The following PLPP1 variants were observed in gnomAD, a reference collection of about 807,000 sequenced individuals.
PLPP1 encodes the protein lipid phosphate phosphohydrolase 1a.
Under a neutral mutation model 31.2 loss-of-function variants are expected in PLPP1, and 24 were observed. The ratio of observed to expected loss-of-function variants is 0.77; its 90% CI spans 0.56 to 1.08. PLPP1 has a LOEUF of 1.08. Among genes scored for constraint, PLPP1 ranks in the 50% least tolerant of loss-of-function variants. The pLI is 0.00. For synonymous variants in PLPP1, 146 were observed against 126.3 expected (o/e 1.16, Z -1.05); for missense variants, 319 against 342.7 (o/e 0.93, Z 0.55).
At chr5:55,457,886 C>T (rs1187950250) in intron 3 of PLPP1, among the ~76,000 whole-genome samples, 6 of 44,644 alleles carry the variant, frequency 1.3e-4, no homozygotes, top group African/African-American at 3.3e-4. Flanking sequence ...GAGACTCTGT[C>T]TCAAAAAAAA....
chr5:55,476,065 A>C (rs1752543279), intron 1 of PLPP1, among the ~76,000 whole-genome samples: 1 of 149,846 alleles, frequency 6.7e-6, no homozygotes, highest in Admixed American at 6.7e-5. Flanking sequence ...TGCAGCCTTG[A>C]TCTCCTGGGC....
At chr5:55,459,695 G>C (rs1368279852) in intron 3 of PLPP1, among the ~76,000 whole-genome samples, 3 of 152,158 alleles carry the variant, frequency 2.0e-5, no homozygotes. Flanking sequence ...AAGACGCAAG[G>C]GAAATTAGAA....
intron 1 of PLPP1, among the ~76,000 whole-genome samples, chr5:55,497,962 CTGAGA>C (rs1753038628): frequency 1.3e-5 from 2 of 152,032 alleles, no homozygotes; most frequent in Admixed American, 1.3e-4. Flanking sequence ...TCTCAGGCTC[CTGAGA>C]CTGAGGGCAG....
intron 4 of PLPP1, among the ~76,000 whole-genome samples, chr5:55,438,620 G>A (rs1051993321): frequency 1.3e-5 from 2 of 152,168 alleles, no homozygotes; most frequent in African/African-American, 2.4e-5. Context: ...GTTGTACATA[G>A]GCCAGGCGCG....
intron 1 of PLPP1, among the ~76,000 whole-genome samples, chr5:55,515,021 TAG>T (rs1753525985): frequency 6.6e-6 from 1 of 152,236 alleles, no homozygotes; most frequent in South Asian, 2.1e-4. Context: ...ATCCGTGACG[TAG>T]ACAGTATTCG....
intron 3 of PLPP1, among the ~76,000 whole-genome samples, chr5:55,448,141 T>G (rs1361831097): frequency 6.6e-6 from 1 of 152,190 alleles, no homozygotes; most frequent in Non-Finnish European, 1.5e-5. Flanking sequence ...AGTATATTAG[T>G]CATAGTTTAT....
intron 1 of PLPP1, among the ~76,000 whole-genome samples, chr5:55,500,532 T>C (rs1258658551): frequency 1.3e-5 from 2 of 152,126 alleles, no homozygotes; most frequent in Admixed American, 6.5e-5. Flanking sequence ...CTAATACAAA[T>C]CAAATCAGGG....
chr5:55,506,636 T>C (rs1753285539), intron 1 of PLPP1, among the ~76,000 whole-genome samples: 1 of 152,170 alleles, frequency 6.6e-6, no homozygotes, highest in Admixed American at 6.6e-5. Flanking sequence ...TAGGAGCTGA[T>C]TTTTTACCAA....
intron 1 of PLPP1, among the ~76,000 whole-genome samples, chr5:55,504,704 A>G (rs1753233462): frequency 6.6e-6 from 1 of 152,070 alleles, no homozygotes; most frequent in African/African-American, 2.4e-5. Flanking sequence ...AATAATTAGT[A>G]TATAGAAGCC....
intron 3 of PLPP1, among the ~76,000 whole-genome samples, chr5:55,465,972 T>C (rs1316229599): frequency 6.6e-6 from 1 of 152,198 alleles, no homozygotes; most frequent in African/African-American, 2.4e-5. Flanking sequence ...CCATACACCT[T>C]AAGAGTCCAG....
At chr5:55,524,279 A>G (rs1336439600) in intron 1 of PLPP1, among the ~76,000 whole-genome samples, 1 of 152,190 alleles carries the variant, frequency 6.6e-6, no homozygotes, top group Non-Finnish European at 1.5e-5. Context: ...AAAAATTGCA[A>G]AAAAATCTTA....
At chr5:55,496,127 G>C (rs897085269) in intron 1 of PLPP1, among the ~76,000 whole-genome samples, 1 of 152,026 alleles carries the variant, frequency 6.6e-6, no homozygotes, top group Non-Finnish European at 1.5e-5. Context: ...CAAAGTGCTG[G>C]GATTACAGAC....
Position 55,505,054 on chromosome 5 carries a change from G to A in PLPP1, c.58+29518C>T, listed in dbSNP as rs546618752. ...TCAAACTCCTGGTCGCAAGTGATGC[G>A]TCCGCCTTGGCCTCCCAAAGTGCTA... is the stretch of plus-strand genomic sequence containing the variant. On this transcript the variant is annotated intron_variant, in intron 1 of 5. Transcript: ENST00000307259. 4.6e-5 allele frequency among the ~76,000 whole-genome samples: 7 copies of A among 152,056 alleles called. No homozygotes were observed. The South Asian group carries it at 1.0e-3, about 23-fold the overall frequency.
intron 1 of PLPP1, among the ~76,000 whole-genome samples, chr5:55,502,977 G>C (rs1753178638): frequency 2.0e-5 from 3 of 152,174 alleles, no homozygotes; most frequent in South Asian, 2.1e-4. Context: ...AGTCAAGTAT[G>C]ACTGGGTACC....
intron 3 of PLPP1, among the ~76,000 whole-genome samples, chr5:55,458,201 T>G (rs1052669199): frequency 6.6e-6 from 1 of 152,180 alleles, no homozygotes; most frequent in Non-Finnish European, 1.5e-5. Flanking sequence ...GACAATATTA[T>G]TGTCCATGCC....
rs551884666 is a variant in PLPP1 at position 55,468,162 on chromosome 5, CAG to C, written c.211-15_211-14del. The C allele has an allele frequency of 4.8e-5, 74 of 1,551,782 alleles. 1 individual carries two copies. In the African/African-American group the frequency reaches 9.4e-4, roughly 20 times the overall value. On this transcript the variant is annotated splice_polypyrimidine_tract_variant and intron_variant, in intron 2 of 5. Coordinates refer to ENST00000307259, the MANE Select transcript of PLPP1 (RefSeq NM_003711.4). ...CTCCAAGAATAATCTGAAAAAGAAA[CAG>C]AAAAATAACATGTTAAAGTAGCAAG...
chr5:55,504,610 C>T (rs1487023427), intron 1 of PLPP1, among the ~76,000 whole-genome samples: 1 of 149,528 alleles, frequency 6.7e-6, no homozygotes, highest in African/African-American at 2.5e-5. Context: ...TGCAGGGCAA[C>T]ATGCACCTAC....
At position 55,501,220 on chromosome 5, in the gene PLPP1, GAACA is replaced by G. The variant is rs575700762; in HGVS notation, c.59-25774_59-25771del. Among the ~76,000 whole-genome samples, 599 of 152,188 alleles carry G rather than the reference GAACA, an allele frequency of 3.9e-3. 5 individuals are homozygous for G. The highest frequency in any genetic ancestry group is 0.014 in the African/African-American group (572 of 41,538). On this transcript the variant is annotated intron_variant, in intron 1 of 5. Transcript: ENST00000307259. The stretch of plus-strand genomic sequence containing the variant: ...CCCAGCTACTCAGGAGGCTTTGACA[GAACA>G]ATCACTTGAACCCAGGAGGCAGAGG...
intron 2 of PLPP1, among the ~76,000 whole-genome samples, chr5:55,474,663 T>C (rs566818891): frequency 1.4e-4 from 21 of 152,336 alleles, no homozygotes; most frequent in Admixed American, 9.1e-4. Flanking sequence ...TAAGCGTGCA[T>C]TGAAGTTTTA....
Sources: gnomAD v4.1 joint callset for allele counts (sites outside exome capture counted in the v4.1 genomes callset) on GRCh38, gnomAD v4.1.1 for gene constraint, MANE v1.5 for transcripts, NCBI Gene and HGNC (gene_info 2026-07-23, HGNC 2026-07-21) for gene names.